The following CSMD1 variants were observed in gnomAD, a reference collection of about 807,000 sequenced individuals.
CSMD1 encodes CUB and sushi domain-containing protein 1.
Under a neutral mutation model 417.5 loss-of-function variants are expected in CSMD1, and 213 were observed. The observed-to-expected ratio is 0.51, with a 90% confidence interval of 0.46 to 0.57. CSMD1 has a LOEUF of 0.57. CSMD1 is among the 20% of genes least tolerant of loss of function. The probability of loss-of-function intolerance (pLI) is 0.00; values close to 1 mark genes in which losing one functional copy is unlikely to be tolerated. For synonymous variants in CSMD1, 2,862 were observed against 1,736.8 expected (o/e 1.65, Z -16.11); for missense variants, 6,923 against 4,529.7 (o/e 1.53, Z -15.17).
chr8:4,669,483 A>G (rs1231210013), intron 1 of CSMD1, among the ~76,000 whole-genome samples: 2 of 152,178 alleles, frequency 1.3e-5, no homozygotes, highest in Non-Finnish European at 1.5e-5. Flanking sequence ...GGACAACCGT[A>G]TCTAGTCATC....
intron 3 of CSMD1, among the ~76,000 whole-genome samples, chr8:4,189,459 G>T (rs376694805): frequency 6.6e-6 from 1 of 152,136 alleles, no homozygotes. Context: ...TATGTTTGCA[G>T]AAAAGAAAAA....
chr8:3,671,560 C>CATATATATAT (rs752837903), intron 7 of CSMD1, among the ~76,000 whole-genome samples: 2 of 6,538 alleles, frequency 3.1e-4, no homozygotes, highest in Non-Finnish European at 6.8e-4. Context: ...TATATATGAT[C>CATATATATAT]ATATATATAT....
chr8:4,147,451 C>T (rs1419477170), intron 3 of CSMD1, among the ~76,000 whole-genome samples: 10 of 152,128 alleles, frequency 6.6e-5, no homozygotes, highest in South Asian at 2.1e-4. Flanking sequence ...GAAAGTCCCA[C>T]GCCTCATTTC....
chr8:3,772,500 TATATACAC>T lies in CSMD1; in HGVS notation c.819-18466_819-18459del, dbSNP rs1798653282. 4.7e-4 allele frequency among the ~76,000 whole-genome samples: 13 copies of T among 27,726 alleles called. 1 individual carries two copies. Among genetic ancestry groups the T allele is most frequent in the Non-Finnish European group, 2.4e-4 (3 of 12,258 alleles). 18.2% of individuals were successfully genotyped at this position (27,726 alleles called of 152,430 possible). On this transcript the variant is annotated intron_variant, in intron 5 of 69. Coordinates refer to ENST00000635120, the MANE Select transcript of CSMD1 (RefSeq NM_033225.6). ...ATATACATATATACACATATATACATATATACACATATATACATATATACACATATATA... is the reference window on the plus strand; with the variant it reads ...ATATACATATATACACATATATACATATATATACATATATACACATATATA...
chr8:3,023,202 A>G (rs906324600), intron 51 of CSMD1, among the ~76,000 whole-genome samples: 5 of 152,194 alleles, frequency 3.3e-5, no homozygotes, highest in Admixed American at 6.5e-5. Context: ...AACAAACAGC[A>G]GATCTTCAAA....
chr8:3,710,165 C>A (rs1801427676), intron 6 of CSMD1, among the ~76,000 whole-genome samples: 1 of 152,012 alleles, frequency 6.6e-6, no homozygotes, highest in African/African-American at 2.4e-5. Flanking sequence ...GAGTTGTCTG[C>A]AAGTTTTTTG....
At chr8:3,941,398 G>C (rs562884143) in intron 5 of CSMD1, among the ~76,000 whole-genome samples, 3 of 152,008 alleles carry the variant, frequency 2.0e-5, no homozygotes, top group Non-Finnish European at 4.4e-5. Flanking sequence ...TTTCTCAAAA[G>C]TTTAAAATTG....
At chr8:3,225,514 C>A (rs752774291) in intron 27 of CSMD1, among the ~76,000 whole-genome samples, 1 of 151,774 alleles carries the variant, frequency 6.6e-6, no homozygotes, top group Non-Finnish European at 1.5e-5. Flanking sequence ...AAGCGTGGAC[C>A]GATCAGGGAG....
chr8:3,778,023 G>A (rs1798986090), intron 5 of CSMD1, among the ~76,000 whole-genome samples: 2 of 152,224 alleles, frequency 1.3e-5, no homozygotes, highest in Non-Finnish European at 2.9e-5. Context: ...AGAAACTCTG[G>A]CTGTCTGGCT....
intron 5 of CSMD1, among the ~76,000 whole-genome samples, chr8:3,761,836 C>T (rs1198881605): frequency 2.0e-5 from 3 of 152,024 alleles, no homozygotes; most frequent in Non-Finnish European, 4.4e-5. Context: ...GTCATTTCTT[C>T]CACCCGGAGC....
chr8:4,768,758 G>C (rs914444088), intron 1 of CSMD1, among the ~76,000 whole-genome samples: 8 of 152,148 alleles, frequency 5.3e-5, no homozygotes, highest in African/African-American at 1.7e-4. Flanking sequence ...GATGCTACTG[G>C]CTTGTTTACA....
At chr8:3,584,641 A>G (rs1470094462) in intron 9 of CSMD1, among the ~76,000 whole-genome samples, 2 of 152,238 alleles carry the variant, frequency 1.3e-5, no homozygotes, top group African/African-American at 2.4e-5. Flanking sequence ...ATAAAATCAA[A>G]TAATATAAAG....
intron 47 of CSMD1, among the ~76,000 whole-genome samples, chr8:3,096,085 T>G (rs913007769): frequency 6.6e-6 from 1 of 152,170 alleles, no homozygotes; most frequent in East Asian, 1.9e-4. Flanking sequence ...TAAAATATCT[T>G]GTGAATTGAT....
intron 10 of CSMD1, among the ~76,000 whole-genome samples, chr8:3,527,519 G>A (rs550198840): frequency 2.7e-4 from 41 of 152,184 alleles, no homozygotes; most frequent in African/African-American, 9.9e-4. Flanking sequence ...TGAGGGAGCT[G>A]GGTGGTATCT....
At chr8:3,698,683 C>T (rs1461597787) in intron 7 of CSMD1, among the ~76,000 whole-genome samples, 2 of 152,090 alleles carry the variant, frequency 1.3e-5, no homozygotes, top group African/African-American at 4.8e-5. Context: ...GCCTGGTATT[C>T]CTTAATAATA....
intron 1 of CSMD1, among the ~76,000 whole-genome samples, chr8:4,948,045 A>T (rs1290984001): frequency 6.6e-6 from 1 of 152,002 alleles, no homozygotes; most frequent in Non-Finnish European, 1.5e-5. Context: ...TTCTGTAGGA[A>T]TGTAGATACC....
intron 7 of CSMD1, among the ~76,000 whole-genome samples, chr8:3,646,694 C>G (rs964951282): frequency 5.3e-5 from 8 of 152,080 alleles, no homozygotes; most frequent in Non-Finnish European, 8.8e-5. Context: ...CCTCATTAGC[C>G]CTCCTTCTAA....
chr8:3,400,540 G>C (rs1279942071), intron 15 of CSMD1, among the ~76,000 whole-genome samples: 3 of 151,846 alleles, frequency 2.0e-5, no homozygotes, highest in Non-Finnish European at 2.9e-5. Context: ...AACAAATACA[G>C]AAAAAATAAA....
chr8:4,212,748 A>ATTTTTTT (rs1233118651), intron 3 of CSMD1, among the ~76,000 whole-genome samples: 25 of 101,898 alleles, frequency 2.5e-4, no homozygotes, highest in South Asian at 2.0e-3. Flanking sequence ...CAGCGGCCTT[A>ATTTTTTT]TTCTTTTTTT....
Sources: allele counts gnomAD v4.1 joint callset (sites outside exome capture counted in the v4.1 genomes callset), GRCh38; gene constraint gnomAD v4.1.1; transcripts MANE v1.5; gene names NCBI Gene and HGNC (gene_info 2026-07-23, HGNC 2026-07-21).